The following CSMD1 variants were observed in gnomAD, a reference collection of about 807,000 sequenced individuals.
CSMD1 encodes CUB and sushi domain-containing protein 1.
A neutral mutation model predicts 417.5 loss-of-function variants in CSMD1; 213 were observed. The ratio of observed to expected loss-of-function variants is 0.51; its 90% CI spans 0.46 to 0.57. The LOEUF (loss-of-function observed/expected upper bound fraction) is 0.57. Ranked by LOEUF, CSMD1 falls within the 20% of genes least tolerant of loss-of-function variation. CSMD1 has a pLI of 0.00. For synonymous variants in CSMD1, 2,862 were observed against 1,736.8 expected (o/e 1.65, Z -16.11); for missense variants, 6,923 against 4,529.7 (o/e 1.53, Z -15.17).
chr8:4,615,430 C>A (rs996027521), intron 2 of CSMD1, among the ~76,000 whole-genome samples: 2 of 152,056 alleles, frequency 1.3e-5, no homozygotes, highest in Non-Finnish European at 2.9e-5. Flanking sequence ...AAAGTACAAC[C>A]GTTATTTAGA....
chr8:4,071,359 T>G (rs376655563), intron 3 of CSMD1, among the ~76,000 whole-genome samples: 1 of 152,194 alleles, frequency 6.6e-6, no homozygotes, highest in South Asian at 2.1e-4. Flanking sequence ...AACTCTTATG[T>G]CATTTTGTAT....
rs755106670 is a variant in CSMD1, at chr8:3,399,391, C to T, written c.2405G>A (p.Arg802Lys). The change falls in exon 16 of 70, where the codon AGA (arginine) becomes AAA (lysine). Residue 802 changes from arginine to lysine, a missense_variant and splice_region_variant. Coordinates refer to ENST00000635120, the MANE Select transcript of CSMD1 (RefSeq NM_033225.6). ...PGHSIKITFD[R>K]FQTEVNYDTL... ...AAATGAAGACTAATTTTTTTCTTAC[C>T]TGTCAAAAGTTATTTTGATAGAGTG... is the stretch of plus-strand genomic sequence containing the variant. 3.8e-6 allele frequency: 6 copies of T among 1,593,168 alleles called. No individual in the cohort carries two copies. Among genetic ancestry groups the T allele is most frequent in the South Asian group, 1.2e-5 (1 of 86,438 alleles).
At chr8:4,686,446 G>C (rs1034096609) in intron 1 of CSMD1, among the ~76,000 whole-genome samples, 35 of 152,196 alleles carry the variant, frequency 2.3e-4, no homozygotes, top group African/African-American at 8.2e-4. Flanking sequence ...GCCATAAGTA[G>C]GCCTTGTGCG....
At chr8:4,931,139 C>T (rs973511010) in intron 1 of CSMD1, among the ~76,000 whole-genome samples, 2 of 152,076 alleles carry the variant, frequency 1.3e-5, no homozygotes, top group Non-Finnish European at 2.9e-5. Context: ...GGTTTTATTA[C>T]GTTTTACCTT....
chr8:3,298,978 CA>C (rs1236667233), intron 25 of CSMD1, among the ~76,000 whole-genome samples: 1 of 152,066 alleles, frequency 6.6e-6, no homozygotes, highest in African/African-American at 2.4e-5. Flanking sequence ...CACAGAAAAA[CA>C]AACATGCACC....
chr8:3,169,837 A>G (rs1016041448), intron 37 of CSMD1, among the ~76,000 whole-genome samples: 11 of 152,098 alleles, frequency 7.2e-5, no homozygotes, highest in Non-Finnish European at 1.6e-4. Context: ...TGGTGTCACT[A>G]CATGCCCAGA....
intron 10 of CSMD1, among the ~76,000 whole-genome samples, chr8:3,565,650 C>G (rs184204861): frequency 6.6e-6 from 1 of 152,170 alleles, no homozygotes. Flanking sequence ...GAAGTTAAAG[C>G]TCCTTCCCTA....
chr8:4,564,506 A>T (rs1798499248), intron 2 of CSMD1, among the ~76,000 whole-genome samples: 1 of 152,150 alleles, frequency 6.6e-6, no homozygotes, highest in Non-Finnish European at 1.5e-5. Flanking sequence ...GACATACTTT[A>T]TCTATTATAA....
intron 3 of CSMD1, among the ~76,000 whole-genome samples, chr8:4,164,644 C>G (rs560441884): frequency 9.9e-5 from 15 of 152,172 alleles, no homozygotes; most frequent in Admixed American, 3.3e-4. Context: ...GATTGAGTCC[C>G]TCACACAAGA....
intron 3 of CSMD1, among the ~76,000 whole-genome samples, chr8:4,160,504 C>G (rs957981133): frequency 7.2e-5 from 11 of 152,176 alleles, no homozygotes; most frequent in Admixed American, 4.6e-4. Context: ...GGTTGAAAGT[C>G]AGACAATCAT....
chr8:3,212,703 C>A (rs994146793), intron 30 of CSMD1, among the ~76,000 whole-genome samples: 2 of 152,084 alleles, frequency 1.3e-5, no homozygotes, highest in African/African-American at 4.8e-5. Flanking sequence ...GACAGCTACA[C>A]TTCTTTAACT....
intron 5 of CSMD1, among the ~76,000 whole-genome samples, chr8:3,759,374 G>A (rs1183837222): frequency 6.6e-6 from 1 of 152,122 alleles, no homozygotes; most frequent in Non-Finnish European, 1.5e-5. Flanking sequence ...TAACCTTACT[G>A]AATCCAGGCA....
At chr8:3,758,721 T>A (rs1423561824) in intron 5 of CSMD1, among the ~76,000 whole-genome samples, 1 of 152,224 alleles carries the variant, frequency 6.6e-6, no homozygotes, top group African/African-American at 2.4e-5. Flanking sequence ...TCATACCTGC[T>A]ACAGACAGAT....
chr8:4,744,257 C>A (rs971357796), intron 1 of CSMD1, among the ~76,000 whole-genome samples: 1 of 152,168 alleles, frequency 6.6e-6, no homozygotes. Flanking sequence ...AAGTACAGCT[C>A]AGGGGCTTGA....
At position 3,409,416 on chromosome 8, in the gene CSMD1, T is replaced by C; in HGVS notation, c.1744+7A>G. On this transcript the variant is annotated splice_region_variant and intron_variant, in intron 13 of 69. Coordinates refer to ENST00000635120, the MANE Select transcript of CSMD1 (RefSeq NM_033225.6). ...GGAGGGAGTCCAGGTCAAGGCATAA[T>C]ACTCACATACACAGCTGGGCTTGTT... 6.2e-7 allele frequency: 1 copy of C among 1,604,518 alleles called. No individual in the cohort carries two copies. Among genetic ancestry groups the C allele is most frequent in the African/African-American group, 1.3e-5 (1 of 74,900 alleles).
intron 18 of CSMD1, among the ~76,000 whole-genome samples, chr8:3,378,649 A>T (rs551661551): frequency 3.1e-4 from 47 of 152,302 alleles, no homozygotes; most frequent in Middle Eastern, 3.4e-3. Flanking sequence ...GACAAAAACC[A>T]CATGATTATC....
At chr8:4,754,221 G>A (rs192514468) in intron 1 of CSMD1, among the ~76,000 whole-genome samples, 57 of 152,010 alleles carry the variant, frequency 3.7e-4, no homozygotes, top group African/African-American at 1.3e-3. Flanking sequence ...TTAACAGTCG[G>A]GATCTGCCAT....
intron 3 of CSMD1, among the ~76,000 whole-genome samples, chr8:4,033,675 G>C (rs996803187): frequency 3.3e-5 from 5 of 152,260 alleles, no homozygotes; most frequent in Middle Eastern, 3.4e-3. Context: ...ACTCGTATTT[G>C]GCTCAGAATA....
chr8:3,949,311 T>G (rs1307105072), intron 5 of CSMD1, among the ~76,000 whole-genome samples: 1 of 152,176 alleles, frequency 6.6e-6, no homozygotes, highest in African/African-American at 2.4e-5. Context: ...TCTCATCCTG[T>G]CTCACTGAAA....
Sources: allele counts gnomAD v4.1 joint callset (sites outside exome capture counted in the v4.1 genomes callset), GRCh38; gene constraint gnomAD v4.1.1; transcripts MANE v1.5; gene names NCBI Gene and HGNC (gene_info 2026-07-23, HGNC 2026-07-21).